The following ARHGAP24 variants were observed in gnomAD, a reference collection of about 807,000 sequenced individuals.
ARHGAP24 encodes the protein Rho GTPase activating protein 24.
ARHGAP24 carries 50 observed loss-of-function variants against 76.4 expected under a neutral mutation model. The ratio of observed to expected loss-of-function variants is 0.65; its 90% CI spans 0.52 to 0.83. The LOEUF is 0.83. Ranked by LOEUF, ARHGAP24 falls within the 40% of genes least tolerant of loss-of-function variation. The pLI is 0.00. For missense variants in ARHGAP24, 930 were observed against 914.2 expected (o/e 1.02, Z -0.22); for synonymous variants, 345 against 323.3 (o/e 1.07, Z -0.72).
At chr4:85,701,630 G>C (rs895803488) in intron 2 of ARHGAP24, among the ~76,000 whole-genome samples, 4 of 151,964 alleles carry the variant, frequency 2.6e-5, no homozygotes, top group Non-Finnish European at 5.9e-5. Context: ...ACAAAAGCCT[G>C]TCCTTACATT....
At chr4:85,477,818 C>T (rs1034944616) in intron 1 of ARHGAP24, among the ~76,000 whole-genome samples, 1 of 152,188 alleles carries the variant, frequency 6.6e-6, no homozygotes, top group African/African-American at 2.4e-5. Flanking sequence ...TGAAAGCAAG[C>T]GGTGCTACTG....
intron 3 of ARHGAP24, chr4:85,723,382 A>G (rs2110045174): frequency 6.6e-6 from 1 of 152,342 alleles, no homozygotes; most frequent in South Asian, 2.1e-4. Flanking sequence ...ACTGTTTTAG[A>G]GAGAGCCATG....
At chr4:85,825,824 T>G (rs912790219) in intron 3 of ARHGAP24, among the ~76,000 whole-genome samples, 19 of 152,256 alleles carry the variant, frequency 1.2e-4, no homozygotes, top group African/African-American at 4.3e-4. Context: ...TTGTCTTCCC[T>G]ATTCTCACTA....
At chr4:85,528,505 A>G (rs1005914385) in intron 1 of ARHGAP24, among the ~76,000 whole-genome samples, 1 of 151,978 alleles carries the variant, frequency 6.6e-6, no homozygotes, top group Non-Finnish European at 1.5e-5. Context: ...CAATTGTAAC[A>G]ACAATATAGG....
chr4:85,511,174 C>A (rs955407467), intron 1 of ARHGAP24, among the ~76,000 whole-genome samples: 58 of 152,282 alleles, frequency 3.8e-4, no homozygotes, highest in Non-Finnish European at 4.4e-4. Context: ...ATTGTGCTTA[C>A]CACAACTGAG....
chr4:85,745,664 T>C (rs934696303), intron 3 of ARHGAP24, among the ~76,000 whole-genome samples: 1 of 151,338 alleles, frequency 6.6e-6, no homozygotes, highest in Non-Finnish European at 1.5e-5. Flanking sequence ...CTACACAGTA[T>C]GAAAGACATA....
At chr4:85,545,138 C>T (rs960326724) in intron 1 of ARHGAP24, among the ~76,000 whole-genome samples, 3 of 151,432 alleles carry the variant, frequency 2.0e-5, no homozygotes, top group African/African-American at 4.9e-5. Flanking sequence ...TTTTACTTGT[C>T]GCCCAGGCTG....
intron 3 of ARHGAP24, among the ~76,000 whole-genome samples, chr4:85,853,592 C>T (rs1731366536): frequency 1.3e-5 from 2 of 152,172 alleles, no homozygotes; most frequent in African/African-American, 4.8e-5. Context: ...GGAGCTCTTC[C>T]TATTCGGCCA....
At chr4:85,826,914 A>T (rs984426889) in intron 3 of ARHGAP24, among the ~76,000 whole-genome samples, 5 of 152,258 alleles carry the variant, frequency 3.3e-5, no homozygotes, top group African/African-American at 1.2e-4. Flanking sequence ...ATTAAAAAAT[A>T]TATACAACTA....
intron 2 of ARHGAP24, among the ~76,000 whole-genome samples, chr4:85,697,311 T>G (rs988988957): frequency 2.6e-5 from 4 of 152,200 alleles, no homozygotes; most frequent in African/African-American, 7.2e-5. Flanking sequence ...CTGCATAGTT[T>G]GCTGAGAATG....
chr4:85,821,639 C>T (rs1007065384), intron 3 of ARHGAP24, among the ~76,000 whole-genome samples: 5 of 152,144 alleles, frequency 3.3e-5, no homozygotes, highest in Admixed American at 2.6e-4. Context: ...CCTGCCTCGT[C>T]CTCTTAAAAT....
intron 3 of ARHGAP24, among the ~76,000 whole-genome samples, chr4:85,800,419 G>A (rs1234695242): frequency 3.9e-5 from 6 of 152,082 alleles, no homozygotes; most frequent in Non-Finnish European, 7.4e-5. Flanking sequence ...TAGGTCCCAG[G>A]CTGAATGAAA....
intron 9 of ARHGAP24, among the ~76,000 whole-genome samples, chr4:85,999,308 G>GT (rs1197819881): frequency 1.3e-5 from 2 of 152,170 alleles, no homozygotes; most frequent in African/African-American, 4.8e-5. Flanking sequence ...GTGGTCATAT[G>GT]TTTAAAATAG....
intron 3 of ARHGAP24, among the ~76,000 whole-genome samples, chr4:85,841,073 T>G (rs1730571377): frequency 6.6e-6 from 1 of 152,230 alleles, no homozygotes. Flanking sequence ...TAGACCTACC[T>G]ATTATTATGT....
At chr4:85,979,436 T>G (rs768842605) in intron 8 of ARHGAP24, among the ~76,000 whole-genome samples, 3 of 152,098 alleles carry the variant, frequency 2.0e-5, no homozygotes, top group Non-Finnish European at 4.4e-5. Flanking sequence ...TCTCCAGAGC[T>G]TTTTTACATT....
Position 85,587,435 on chromosome 4 carries a change from C to T in ARHGAP24, c.180+16714C>T, listed in dbSNP as rs190523748. The stretch of plus-strand genomic sequence containing the variant: ...TGATCATCCTTTTAAAAGAAAAAAG[C>T]ATCATCTAGCAGATCACATGAATGT... On this transcript the variant is annotated intron_variant, in intron 2 of 9. Coordinates refer to ENST00000395184, the MANE Select transcript of ARHGAP24 (RefSeq NM_001025616.3). Among the ~76,000 whole-genome samples, 63 of 152,262 alleles carry T rather than the reference C, an allele frequency of 4.1e-4. 1 individual carries two copies. In the East Asian group the frequency reaches 0.011, roughly 26 times the overall value.
At chr4:85,671,387 A>G (rs1722812109) in intron 2 of ARHGAP24, among the ~76,000 whole-genome samples, 1 of 152,154 alleles carries the variant, frequency 6.6e-6, no homozygotes, top group Admixed American at 6.6e-5. Context: ...ATTTGTTGGC[A>G]TCTTTCCTCC....
At chr4:85,682,816 A>T (rs1207841444) in intron 2 of ARHGAP24, among the ~76,000 whole-genome samples, 1 of 152,186 alleles carries the variant, frequency 6.6e-6, no homozygotes, top group African/African-American at 2.4e-5. Flanking sequence ...GATACAATGT[A>T]GAGGGAACTT....
At chr4:85,723,596 TAAATA>T (rs1725041354) in intron 3 of ARHGAP24, 1 of 152,252 alleles carries the variant, frequency 6.6e-6, no homozygotes, top group Admixed American at 6.5e-5. Flanking sequence ...ATTATGGACT[TAAATA>T]TAGTATGTGA....
Sources: allele counts gnomAD v4.1 joint callset (sites outside exome capture counted in the v4.1 genomes callset), GRCh38; gene constraint gnomAD v4.1.1; transcripts MANE v1.5; gene names NCBI Gene and HGNC (gene_info 2026-07-23, HGNC 2026-07-21).